Variants in ZMYM1 observed in about 807,000 individuals in gnomAD.
The protein encoded by ZMYM1 is zinc finger MYM-type protein 1.
ZMYM1 carries 39 observed loss-of-function variants against 60.0 expected under a neutral mutation model. The observed-to-expected ratio is 0.65, with a 90% CI of 0.50 to 0.85. The LOEUF (loss-of-function observed/expected upper bound fraction) is 0.85, where lower values mean the gene tolerates loss of function less well. Ranked by LOEUF, ZMYM1 falls within the 40% of genes least tolerant of loss-of-function variation. ZMYM1 has a pLI of 0.00. For synonymous variants in ZMYM1, 413 were observed against 454.0 expected (o/e 0.91, Z 1.15); for missense variants, 1,171 against 1,309.5 (o/e 0.89, Z 1.63).
chr1:35,078,176 A>G (rs962272789), upstream of ZMYM1, among the ~76,000 whole-genome samples: 3 of 152,216 alleles, frequency 2.0e-5, no homozygotes, highest in Non-Finnish European at 4.4e-5. Context: ...ATGTTGGAGA[A>G]ATTAACTTCA....
At chr1:35,108,924 G>A (rs1327929249) in intron 6 of ZMYM1, among the ~76,000 whole-genome samples, 1 of 151,938 alleles carries the variant, frequency 6.6e-6, no homozygotes, top group Non-Finnish European at 1.5e-5. Context: ...TGCCTAGGCT[G>A]GTCTCGAACT....
intron 4 of ZMYM1, among the ~76,000 whole-genome samples, chr1:35,103,640 A>C (rs1488918932): frequency 6.6e-6 from 1 of 152,138 alleles, no homozygotes; most frequent in Admixed American, 6.6e-5. Context: ...TGCTTGTTTG[A>C]GTACCTGTTT....
Position 35,111,932 on chromosome 1 carries a change from T to C in ZMYM1, c.1102+20T>C, listed in dbSNP as rs1644102272. On this transcript the variant is annotated intron_variant, in intron 8 of 9. Coordinates refer to ENST00000359858, the MANE Select transcript of ZMYM1 (RefSeq NM_024772.5). ...TACAAGGTAAAAGTTGATGTTAAGATATTTGACATAAATATTGTTTTGTCA... is the reference window on the plus strand; with the variant it reads ...TACAAGGTAAAAGTTGATGTTAAGACATTTGACATAAATATTGTTTTGTCA... 6.4e-7 allele frequency: 1 copy of C among 1,571,394 alleles called. No homozygotes were observed. Among genetic ancestry groups the C allele is most frequent in the East Asian group, 2.3e-5 (1 of 44,202 alleles).
In ZMYM1 at chr1:35,114,706, CAGA is replaced by C; in HGVS notation, c.2881_2883del (p.Glu961del). The C allele has an allele frequency of 6.3e-7, 1 of 1,577,724 alleles. No homozygotes were observed. The highest frequency in any genetic ancestry group is 2.2e-5 in the East Asian group (1 of 44,554). Reference sequence around the variant, plus strand: ...GATAATATGTTTTTTCCTACTTCAACAGAAGAACAATATAAAATTAATATCTAT... The same window carrying C: ...GATAATATGTTTTTTCCTACTTCAACAGAACAATATAAAATTAATATCTAT... On this transcript the variant is annotated inframe_deletion, in exon 10 of 10. Coordinates refer to ENST00000359858, the MANE Select transcript of ZMYM1 (RefSeq NM_024772.5).
At chr1:35,064,293 A>C in intron 1 of ZMYM1, among the ~76,000 whole-genome samples, 1 of 106,478 alleles carries the variant, frequency 9.4e-6, no homozygotes, top group East Asian at 3.1e-4. Flanking sequence ...ATCCTGTCTC[A>C]AAAAAAAAAA....
At position 35,114,495 on chromosome 1, in the gene ZMYM1, T is replaced by C; in HGVS notation, c.2665T>C (p.Leu889=). The part of the protein sequence containing the change: ...LQNKTIDIFS[L]SSKIEAILEC... ...AAATAAAACCATAGACATTTTTTCT[T>C]TGTCTTCAAAAATAGAAGCAATTTT... Residue 889 remains leucine (L), a synonymous_variant, in exon 10 of 10, where the codon TTG becomes CTG. Transcript: ENST00000359858. 1 of 1,611,600 alleles carries C rather than the reference T, an allele frequency of 6.2e-7. No homozygotes were observed. Among genetic ancestry groups the C allele is most frequent in the Non-Finnish European group, 8.5e-7 (1 of 1,178,692 alleles).
intron 1 of ZMYM1, among the ~76,000 whole-genome samples, chr1:35,086,824 G>A (rs1642679274): frequency 1.3e-5 from 2 of 151,786 alleles, no homozygotes; most frequent in South Asian, 4.2e-4. Context: ...AGGGATTACA[G>A]GCGCCCACCA....
intron 4 of ZMYM1, 24 bp from the exon 5 acceptor site, chr1:35,104,268 AATG>A (rs754783409): frequency 6.5e-7 from 1 of 1,527,152 alleles, no homozygotes; most frequent in South Asian, 1.3e-5. Context: ...TAAACTGTTT[AATG>A]ATGTCCTTGT....
Position 35,115,364 on chromosome 1 carries a change from T to G in ZMYM1, c.*105T>G. On this transcript the variant is annotated 3_prime_UTR_variant, in exon 10 of 10. Coordinates refer to ENST00000359858, the MANE Select transcript of ZMYM1 (RefSeq NM_024772.5). The stretch of plus-strand genomic sequence containing the variant: ...AGACACAGAACGATAAACAGTGAAG[T>G]CTCCTTCCCTCCTTTAGAACTCATT... 7.8e-7 allele frequency: 1 copy of G among 1,281,538 alleles called. No individual in the cohort carries two copies. Among genetic ancestry groups the G allele is most frequent in the African/African-American group, 1.5e-5 (1 of 66,856 alleles). 79.4% of individuals were successfully genotyped at this position (1,281,538 alleles called of 1,614,324 possible).
chr1:35,097,592 T>G, intron 4 of ZMYM1, 26 bp downstream of exon 4: 3 of 1,611,298 alleles, frequency 1.9e-6, no homozygotes, highest in Middle Eastern at 1.7e-4. Context: ...TTATGCCCCC[T>G]TTTATTTCCC....
chr1:35,078,973 ATTTT>A (rs112414103), upstream of ZMYM1: 2 of 147,050 alleles, frequency 1.4e-5, no homozygotes, highest in Non-Finnish European at 3.0e-5. Context: ...TGCCTGTCAT[ATTTT>A]TTTTTTTTGA....
rs111981587 is a variant in ZMYM1 at position 35,097,682 on chromosome 1, T to A, written c.419+116T>A. The stretch of plus-strand genomic sequence containing the variant: ...TTTTTGAGACTGAGTTTGACTCTTG[T>A]TGCCCAGGCTGGAGTGCAGTGGCAC... On this transcript the variant is annotated intron_variant, in intron 4 of 9. Coordinates refer to ENST00000359858, the MANE Select transcript of ZMYM1 (RefSeq NM_024772.5). 3,871 of 1,316,764 alleles carry A rather than the reference T, an allele frequency of 2.9e-3. 95 individuals are homozygous for A. In the African/African-American group the frequency reaches 0.05, roughly 17 times the overall value. 81.6% of individuals were successfully genotyped at this position (1,316,764 alleles called of 1,614,324 possible).
rs537882910 is a variant in ZMYM1, at chr1:35,072,716, G to A, written c.-300-6278G>A. Among the ~76,000 whole-genome samples the A allele has an allele frequency of 1.7e-3, 260 of 152,184 alleles. 2 individuals are homozygous for A. In the Middle Eastern group the frequency reaches 0.02, roughly 12 times the overall value. ...TAATCCCAGCTCTTTGGGAGGCCAC[G>A]GAGGGTAGATCTCTTGAGGCCAGGA... On this transcript the variant is annotated intron_variant, in intron 1 of 10. Transcript: ENST00000417119.
chr1:35,096,274 T>G (rs1018547054), intron 3 of ZMYM1, among the ~76,000 whole-genome samples: 22 of 149,008 alleles, frequency 1.5e-4, no homozygotes, highest in African/African-American at 5.5e-4. Context: ...ATTGCACCAC[T>G]GCACTCCAGC....
At chr1:35,073,661 G>A (rs1642114391) in intron 1 of ZMYM1, among the ~76,000 whole-genome samples, 1 of 150,858 alleles carries the variant, frequency 6.6e-6, no homozygotes, top group Non-Finnish European at 1.5e-5. Context: ...AAAAAGGAAA[G>A]GAAAGGAGGA....
At chr1:35,102,370 T>A (rs1643705695) in intron 4 of ZMYM1, among the ~76,000 whole-genome samples, 1 of 152,224 alleles carries the variant, frequency 6.6e-6, no homozygotes, top group African/African-American at 2.4e-5. Flanking sequence ...CGTGAATGAT[T>A]TTTGTAATAT....
intron 4 of ZMYM1, 127 bp from the exon 5 acceptor site, chr1:35,104,168 A>G: frequency 2.5e-6 from 2 of 810,062 alleles, no homozygotes; most frequent in Non-Finnish European, 1.9e-6. Flanking sequence ...AGAACTGGGT[A>G]CCAAATTCAG....
chr1:35,083,623 TG>T (rs1426849598), intron 1 of ZMYM1, among the ~76,000 whole-genome samples: 5 of 152,164 alleles, frequency 3.3e-5, no homozygotes, highest in African/African-American at 1.2e-4. Context: ...TTTTTGTTTT[TG>T]TTTTTTTTCG....
rs201290342 is a variant in ZMYM1, at chr1:35,114,268, A to G, written c.2438A>G (p.Asp813Gly). ...TCACAATCATGTTGGACAGTCCATGATCGTACATTACTATCTGTGATTGAC... is the reference window on the plus strand; with the variant it reads ...TCACAATCATGTTGGACAGTCCATGGTCGTACATTACTATCTGTGATTGAC... ...HISQSCWTVH[D>G]RTLLSVIDSL... Residue 813 changes from aspartate (D) to glycine (G), a missense_variant, in exon 10 of 10, where the codon GAT becomes GGT. Coordinates refer to ENST00000359858, the MANE Select transcript of ZMYM1 (RefSeq NM_024772.5). 5.1e-4 allele frequency: 823 copies of G among 1,613,894 alleles called. 6 individuals are homozygous for G. The highest frequency in any genetic ancestry group is 1.8e-3 in the South Asian group (163 of 91,064).
Sources: gnomAD v4.1 joint callset for allele counts (sites outside exome capture counted in the v4.1 genomes callset) on GRCh38, gnomAD v4.1.1 for gene constraint, MANE v1.5 for transcripts, NCBI Gene and HGNC (gene_info 2026-07-23, HGNC 2026-07-21) for gene names.